The following METTL21C variants were observed in gnomAD, a reference collection of about 807,000 sequenced individuals.
METTL21C encodes the protein protein-lysine methyltransferase METTL21C.
Under a neutral mutation model 25.9 loss-of-function variants are expected in METTL21C, and 21 were observed. The ratio of observed to expected loss-of-function variants is 0.81; its 90% CI spans 0.58 to 1.17. The LOEUF (loss-of-function observed/expected upper bound fraction) is 1.17, where lower values mean the gene tolerates loss of function less well. Among genes scored for constraint, METTL21C ranks in the 50% most tolerant of loss-of-function variants. The probability of loss-of-function intolerance (pLI) is 0.00; values close to 1 mark genes in which losing one functional copy is unlikely to be tolerated. For synonymous variants in METTL21C, 125 were observed against 124.7 expected (o/e 1.00, Z -0.01); for missense variants, 312 against 315.1 (o/e 0.99, Z 0.07).
At position 102,694,873 on chromosome 13, in the gene METTL21C, TTCTCTC is replaced by T. The variant is rs111474584; in HGVS notation, c.-381_-376del. Among the ~76,000 whole-genome samples the T allele has an allele frequency of 5.5e-4, 71 of 128,296 alleles. No homozygotes were observed. The highest frequency in any genetic ancestry group is 1.2e-3 in the African/African-American group (41 of 33,774). The allele number at this position is 128,296 out of a possible 152,430, so 84.2% of individuals were successfully genotyped here. ...ATTACTTTGCTAGAATTCTCTCTCTTTCTCTCTCTCTCTCTCTCTCTCTCTCTCACA... is the reference window on the plus strand; with the variant it reads ...ATTACTTTGCTAGAATTCTCTCTCTTTCTCTCTCTCTCTCTCTCTCTCACA... On this transcript the variant is annotated 5_prime_UTR_variant, in exon 1 of 4. Coordinates refer to ENST00000267273, the MANE Select transcript of METTL21C (RefSeq NM_001010977.3).
the METTL21C span, among the ~76,000 whole-genome samples, chr13:102,703,621 G>C: frequency 1.3e-5 from 2 of 152,236 alleles, no homozygotes; most frequent in African/African-American, 4.8e-5. Context: ...CAGTGAAGCA[G>C]ATGTTATTCA....
At chr13:102,698,642 G>T (rs1397252932), upstream of METTL21C, among the ~76,000 whole-genome samples, 1 of 151,744 alleles carries the variant, frequency 6.6e-6, no homozygotes, top group Non-Finnish European at 1.5e-5. Context: ...ACCAATCAAT[G>T]ACCCCAATTT....
the METTL21C span, among the ~76,000 whole-genome samples, chr13:102,700,070 A>G: frequency 7.9e-5 from 12 of 152,252 alleles, no homozygotes; most frequent in Admixed American, 6.5e-4. Flanking sequence ...GCGAACATGG[A>G]AAATATTACT....
the METTL21C span, among the ~76,000 whole-genome samples, chr13:102,700,080 T>C: frequency 6.6e-6 from 1 of 152,240 alleles, no homozygotes. Flanking sequence ...AAAATATTAC[T>C]TCTGTTTCAT....
At chr13:102,703,351 A>G in the METTL21C span, among the ~76,000 whole-genome samples, 2 of 152,166 alleles carry the variant, frequency 1.3e-5, no homozygotes, top group African/African-American at 4.8e-5. Context: ...AGGCCAGAAA[A>G]CATCAAATCT....
upstream of METTL21C, among the ~76,000 whole-genome samples, chr13:102,697,599 G>A (rs3742281): frequency 0.4 from 60,763 of 151,810 alleles, 12,749 homozygotes; most frequent in East Asian, 0.75. Context: ...CAGTGTTCTC[G>A]TCTATACGGT....
chr13:102,696,537 T>G (rs1375647012), upstream of METTL21C, among the ~76,000 whole-genome samples: 1 of 152,136 alleles, frequency 6.6e-6, no homozygotes, highest in Non-Finnish European at 1.5e-5. Flanking sequence ...ATAAATAATT[T>G]AAAAAACAGT....
In METTL21C at chr13:102,694,440, G is replaced by T. The variant is rs781253928; in HGVS notation, c.59C>A (p.Ser20Tyr). Residue 20 changes from serine to tyrosine, a missense_variant, in exon 1 of 4, where the codon TCC (serine) becomes TAC (tyrosine). Coordinates refer to ENST00000267273, the MANE Select transcript of METTL21C (RefSeq NM_001010977.3). ...CTCAGCCTCTAACCAGCCACCCGGG[G>T]AGCTGAGTCCTTCCCCCCGGCGCCC... ...QPGRRGEGLS[S>Y]PGGWLEAEKK... The T allele has an allele frequency of 4.1e-6, 6 of 1,464,294 alleles. No individual in the cohort carries two copies. In the East Asian group the frequency reaches 1.3e-4, roughly 31 times the overall value. The allele number at this position is 1,464,294 out of a possible 1,614,324, so 90.7% of individuals were successfully genotyped here. A position where few individuals can be genotyped will look rare whatever the true frequency, so the allele number is the denominator to read the frequency against.
At chr13:102,693,364 C>T (rs73583344) in intron 1 of METTL21C, among the ~76,000 whole-genome samples, 12 of 152,250 alleles carry the variant, frequency 7.9e-5, no homozygotes, top group African/African-American at 2.4e-4. Flanking sequence ...GGTGCCAGTA[C>T]AAGCCGTCGC....
the METTL21C span, among the ~76,000 whole-genome samples, chr13:102,700,556 G>T: frequency 6.6e-6 from 1 of 152,168 alleles, no homozygotes; most frequent in Non-Finnish European, 1.5e-5. Context: ...TTAATTACAC[G>T]GAGGAACGCT....
In METTL21C at chr13:102,686,958, T is replaced by C; in HGVS notation, c.382A>G (p.Ile128Val). 1 of 1,613,946 alleles carries C rather than the reference T, an allele frequency of 6.2e-7. No homozygotes were observed. Among genetic ancestry groups the C allele is most frequent in the Non-Finnish European group, 8.5e-7 (1 of 1,179,834 alleles). Residue 128 changes from isoleucine to valine, a missense_variant, in exon 3 of 4, where the codon ATT (isoleucine) becomes GTT (valine). By Grantham distance (29) the Ile-to-Val change is conservative. Coordinates refer to ENST00000267273, the MANE Select transcript of METTL21C (RefSeq NM_001010977.3). ...AACAAACCTAAAATACTGGCCACAA[T>C]GGAAACAAGGCCTGGTCCGGCACCA... ...EIGAGPGLVSIVASILGAQVT... is the reference protein window; with the variant it reads ...EIGAGPGLVSVVASILGAQVT...
intron 1 of METTL21C, 142 bp downstream of exon 1, chr13:102,694,227 C>T (rs1885893994): frequency 2.3e-6 from 2 of 866,814 alleles, no homozygotes; most frequent in Non-Finnish European, 3.5e-6. Context: ...ACTTGCAAAA[C>T]ATTTTTCTGC....
chr13:102,687,393 G>C (rs1885703834), intron 2 of METTL21C, among the ~76,000 whole-genome samples: 1 of 152,088 alleles, frequency 6.6e-6, no homozygotes, highest in Admixed American at 6.5e-5. Context: ...TAATCATGTT[G>C]GTCTCCAACT....
intron 1 of METTL21C, among the ~76,000 whole-genome samples, chr13:102,692,808 C>T (rs1240808790): frequency 6.6e-6 from 1 of 152,140 alleles, no homozygotes; most frequent in Non-Finnish European, 1.5e-5. Flanking sequence ...TTTGCGGTCA[C>T]CTGCCCTGGT....
At chr13:102,702,652 A>C in the METTL21C span, among the ~76,000 whole-genome samples, 6 of 152,002 alleles carry the variant, frequency 3.9e-5, no homozygotes, top group Admixed American at 6.5e-5. Flanking sequence ...CAATGGCGCA[A>C]TCTCCACTCA....
In METTL21C at chr13:102,685,943, A is replaced by C; in HGVS notation, c.*88T>G. ...AGTTGTTTCTATGCACTACCTTCTC[A>C]ATCCTGTGAAAGAAGTCTATTACCA... On this transcript the variant is annotated 3_prime_UTR_variant, in exon 4 of 4. Transcript: ENST00000267273. The C allele has an allele frequency of 7.3e-7, 1 of 1,371,916 alleles. No homozygotes were observed. The highest frequency in any genetic ancestry group is 1.5e-5 in the South Asian group (1 of 67,966). The allele number at this position is 1,371,916 out of a possible 1,614,324, so 85.0% of individuals were successfully genotyped here. A position where few individuals can be genotyped will look rare whatever the true frequency, so the allele number is the denominator to read the frequency against.
In METTL21C at chr13:102,686,350, T is replaced by G. The variant is rs1885672149; in HGVS notation, c.476A>C (p.Gln159Pro). The change falls in exon 4 of 4, where the codon CAA becomes CCA. Residue 159 changes from glutamine (Q) to proline (P), a missense_variant. Physicochemically the swap from Gln to Pro is moderately conservative, Grantham distance 76 (BLOSUM62 -1). Transcript: ENST00000267273. ...CACTTCAGGCAGATGTGCTGTACAT[T>G]GTAGTGTGTTTTTTAAAAGATTGTA... Reference protein sequence around the residue: ...LQYNLLKNTLQCTAHLPEVKE... With the variant: ...LQYNLLKNTLPCTAHLPEVKE... 1.9e-6 allele frequency: 3 copies of G among 1,614,070 alleles called. No homozygotes were observed. The highest frequency in any genetic ancestry group is 2.5e-6 in the Non-Finnish European group (3 of 1,180,040).
chr13:102,692,290 TC>T (rs1417614290), intron 1 of METTL21C, among the ~76,000 whole-genome samples: 2 of 139,204 alleles, frequency 1.4e-5, no homozygotes, highest in Admixed American at 7.5e-5. Flanking sequence ...ATCCCTCAGG[TC>T]GGGGGCAGGG....
chr13:102,686,597 C>T (rs41281658), intron 3 of METTL21C, among the ~76,000 whole-genome samples, 172 bp from the exon 4 acceptor site: 5,938 of 152,196 alleles, frequency 0.039, 168 homozygotes, highest in Non-Finnish European at 0.053. Flanking sequence ...TGGTCCGTCC[C>T]GTGCACTGTA....
Sources: gnomAD v4.1 joint callset for allele counts (sites outside exome capture counted in the v4.1 genomes callset) on GRCh38, gnomAD v4.1.1 for gene constraint, MANE v1.5 for transcripts, NCBI Gene and HGNC (gene_info 2026-07-23, HGNC 2026-07-21) for gene names.